The following CELF5 variants were observed in gnomAD, a reference collection of about 807,000 sequenced individuals.
CELF5 encodes the protein CUGBP Elav-like family member 5, also known as CUG-BP and ETR-3 like factor 5.
CELF5 carries 6 observed loss-of-function variants against 54.9 expected under a neutral mutation model. The ratio of observed to expected loss-of-function variants is 0.11; its 90% CI spans 0.06 to 0.22. The LOEUF (loss-of-function observed/expected upper bound fraction) is 0.22, where lower values mean the gene tolerates loss of function less well. CELF5 is among the 10% of genes least tolerant of loss of function. CELF5 has a pLI of 1.00. For synonymous variants in CELF5, 271 were observed against 290.9 expected (o/e 0.93, Z 0.70); for missense variants, 401 against 678.6 (o/e 0.59, Z 4.54).
intron 4 of CELF5, 37 bp from the exon 5 acceptor site, chr19:3,277,994 C>G: frequency 6.4e-7 from 1 of 1,571,630 alleles, no homozygotes; most frequent in Non-Finnish European, 8.8e-7. Context: ...TCCTGTGACC[C>G]CATCACCCTC....
chr19:3,291,400 C>A (rs2080345195), intron 11 of CELF5, among the ~76,000 whole-genome samples: 1 of 151,714 alleles, frequency 6.6e-6, no homozygotes, highest in South Asian at 2.1e-4. Context: ...CCCATCTCTA[C>A]TAAAAATACA....
rs74395974 is a variant in CELF5 at position 3,257,095 on chromosome 19, T to C, written c.342+6028T>C. On this transcript the variant is annotated intron_variant, in intron 2 of 12. Transcript: ENST00000292672. ...AAGTGCTGGGATTACAAGCGTGAGC[T>C]ACCAGATTGTGCCTGGCTGGGAGTT... Among the ~76,000 whole-genome samples, 1,024 of 151,956 alleles carry C rather than the reference T, an allele frequency of 6.7e-3. 13 individuals carry two copies. The highest frequency in any genetic ancestry group is 0.023 in the African/African-American group (955 of 41,442).
chr19:3,285,877 C>T (rs896640123), intron 9 of CELF5, 65 bp from the exon 10 acceptor site: 18 of 1,229,644 alleles, frequency 1.5e-5, no homozygotes, highest in Middle Eastern at 2.5e-4. Flanking sequence ...CCCCGCCCAG[C>T]GGCCCAGGCC....
At chr19:3,263,143 A>C (rs1253427758) in intron 2 of CELF5, among the ~76,000 whole-genome samples, 1 of 147,680 alleles carries the variant, frequency 6.8e-6, no homozygotes, top group African/African-American at 2.5e-5. Context: ...GCTACTCAGG[A>C]GGCTGAGGCA....
intron 10 of CELF5, among the ~76,000 whole-genome samples, chr19:3,289,083 G>T (rs62125958): frequency 0.095 from 14,430 of 152,130 alleles, 823 homozygotes; most frequent in South Asian, 0.17. Context: ...AATTATTTAT[G>T]GTTGGTATAT....
chr19:3,228,948 G>T lies in CELF5; in HGVS notation c.259+3950G>T, dbSNP rs1461793356. 6.6e-6 allele frequency among the ~76,000 whole-genome samples: 1 copy of T among 151,446 alleles called. No homozygotes were observed. Among genetic ancestry groups the T allele is most frequent in the Non-Finnish European group, 1.5e-5 (1 of 67,850 alleles). On this transcript the variant is annotated intron_variant, in intron 1 of 12. Transcript: ENST00000292672. The surrounding 1 kb of genome is among the most constrained non-coding windows in gnomAD (Gnocchi z 6.0). The stretch of plus-strand genomic sequence containing the variant: ...CGCGCGCCTGGGAAGGACTCCTGCC[G>T]GGGTGCTGTGTGGCTTCAAGCTGAG...
intron 1 of CELF5, among the ~76,000 whole-genome samples, chr19:3,240,402 T>C (rs2079475460): frequency 6.6e-6 from 1 of 151,762 alleles, no homozygotes; most frequent in Admixed American, 6.6e-5. Context: ...CTCAACTCAC[T>C]GCAACCTCTG....
intron 11 of CELF5, 116 bp from the exon 12 acceptor site, chr19:3,293,203 G>C (rs2080379523): frequency 7.3e-7 from 1 of 1,368,964 alleles, no homozygotes; most frequent in African/African-American, 1.4e-5. Context: ...GGCCTGTGCA[G>C]GTGTGCACGC....
At chr19:3,262,080 G>C (rs2079813630) in intron 2 of CELF5, among the ~76,000 whole-genome samples, 1 of 152,052 alleles carries the variant, frequency 6.6e-6, no homozygotes, top group African/African-American at 2.4e-5. Context: ...TGTACCCCAG[G>C]CTGGCGTGCA....
At chr19:3,285,309 C>T (rs1229773034) in intron 9 of CELF5, among the ~76,000 whole-genome samples, 2 of 151,686 alleles carry the variant, frequency 1.3e-5, no homozygotes, top group East Asian at 3.9e-4. Flanking sequence ...TCGGCCCTGC[C>T]CCTTACCCTC....
rs997157481 is a variant in CELF5, at chr19:3,285,930, C to T, written c.1103-12C>T. On this transcript the variant is annotated splice_polypyrimidine_tract_variant and intron_variant, in intron 9 of 12. Transcript: ENST00000292672. ...CCCCTCCTCGCCCTGTGTCTCGCTC[C>T]GGTCTCCGCAGCCATGTACCCCACC... The T allele has an allele frequency of 3.2e-6, 5 of 1,560,632 alleles. No homozygotes were observed. The highest frequency in any genetic ancestry group is 2.8e-5 in the African/African-American group (2 of 70,778).
intron 1 of CELF5, among the ~76,000 whole-genome samples, chr19:3,250,450 C>T (rs2079633308): frequency 6.6e-6 from 1 of 152,212 alleles, no homozygotes; most frequent in Admixed American, 6.5e-5. Flanking sequence ...GATCGCGCCA[C>T]TGCACTCCAG....
At chr19:3,267,210 C>T (rs1053165006) in intron 2 of CELF5, among the ~76,000 whole-genome samples, 1 of 151,972 alleles carries the variant, frequency 6.6e-6, no homozygotes, top group East Asian at 1.9e-4. Context: ...CCACTTCTAC[C>T]CCCTCATCCT....
At position 3,241,923 on chromosome 19, in the gene CELF5, C is replaced by T. The variant is rs182789136; in HGVS notation, c.260-9062C>T. On this transcript the variant is annotated intron_variant, in intron 1 of 12. Transcript: ENST00000292672. Reference sequence around the variant, plus strand: ...CCGTGTAGCTGGGACCAGAGGCGCGCGCCGCCACGCCCAGCTAATTTTTGT... The same window carrying T: ...CCGTGTAGCTGGGACCAGAGGCGCGTGCCGCCACGCCCAGCTAATTTTTGT... Among the ~76,000 whole-genome samples, 681 of 152,118 alleles carry T rather than the reference C, an allele frequency of 4.5e-3. 5 individuals carry two copies. The highest frequency in any genetic ancestry group is 0.015 in the African/African-American group (628 of 41,516).
intron 5 of CELF5, among the ~76,000 whole-genome samples, chr19:3,280,304 G>C (rs1237236578): frequency 6.6e-6 from 1 of 152,116 alleles, no homozygotes; most frequent in Non-Finnish European, 1.5e-5. Context: ...GGGGCTGGGC[G>C]TGGTGGCTGT....
rs1298374165 is a variant in CELF5 at position 3,293,342 on chromosome 19, G to T, written c.1354G>T (p.Ala452Ser). 6 of 1,614,136 alleles carry T rather than the reference G, an allele frequency of 3.7e-6. No homozygotes were observed. The Middle Eastern group carries it at 5.0e-4, about 133-fold the overall frequency. ...CFGFVSFDNP[A>S]SAQAAIQAMN... ...AGGCTTCGTGAGCTTTGATAACCCGGCCAGCGCCCAGGCAGCCATCCAGGC... is the reference window on the plus strand; with the variant it reads ...AGGCTTCGTGAGCTTTGATAACCCGTCCAGCGCCCAGGCAGCCATCCAGGC... The change falls in exon 12 of 13, where the codon GCC (alanine) becomes TCC (serine). Residue 452 changes from alanine (A) to serine (S), a missense_variant. Physicochemically the swap from Ala to Ser is moderately conservative, Grantham distance 99 (BLOSUM62 1). Around this residue, in one of 6 missense-constraint regions of CELF5, gnomAD observed 59 missense variants for 128.8 expected, o/e 0.46. Transcript: ENST00000292672.
intron 2 of CELF5, among the ~76,000 whole-genome samples, chr19:3,266,482 A>G (rs1197805353): frequency 6.6e-6 from 1 of 152,066 alleles, no homozygotes; most frequent in Non-Finnish European, 1.5e-5. Context: ...TGCTGTGTGT[A>G]TCAGCGTCTT....
At position 3,257,447 on chromosome 19, in the gene CELF5, T is replaced by A. The variant is rs114396869; in HGVS notation, c.342+6380T>A. ...GCAACCAGAGGAACGATCTGGTTTG[T>A]TTGTTTCCACTTTTATTATTATTAT... On this transcript the variant is annotated intron_variant, in intron 2 of 12. Transcript: ENST00000292672. Among the ~76,000 whole-genome samples the A allele has an allele frequency of 6.7e-3, 1,024 of 152,250 alleles. 11 individuals carry two copies. Among genetic ancestry groups the A allele is most frequent in the African/African-American group, 0.023 (955 of 41,536 alleles).
intron 12 of CELF5, 101 bp downstream of exon 12, chr19:3,293,587 G>A: frequency 2.0e-6 from 2 of 1,016,802 alleles, no homozygotes; most frequent in Non-Finnish European, 2.8e-6. Context: ...CAGGTGGGGT[G>A]ATGCTTCAAG....
Sources: allele counts gnomAD v4.1 joint callset (sites outside exome capture counted in the v4.1 genomes callset), GRCh38; gene constraint gnomAD v4.1.1; regional missense constraint gnomAD v4.1.1; non-coding constraint Gnocchi (gnomAD v3.1); transcripts MANE v1.5; gene names NCBI Gene and HGNC (gene_info 2026-07-23, HGNC 2026-07-21).